The following MUC6 variants were observed in gnomAD, a reference collection of about 807,000 sequenced individuals.
MUC6 encodes the protein mucin 6, oligomeric mucus/gel-forming (gene/pseudogene), also known as mucin-6.
A neutral mutation model predicts 201.5 loss-of-function variants in MUC6; 188 were observed. That is an observed-to-expected ratio of 0.93 (90% CI 0.83 to 1.05). The LOEUF is 1.05. Among genes scored for constraint, MUC6 ranks in the 50% least tolerant of loss-of-function variants. The pLI is 0.00. For missense variants in MUC6, 2,706 were observed against 3,256.9 expected (o/e 0.83, Z 4.12); for synonymous variants, 1,228 against 1,389.4 (o/e 0.88, Z 2.58).
In MUC6 at chr11:1,016,383, T is replaced by C. The variant is rs1412583891; in HGVS notation, c.6418A>G (p.Thr2140Ala). Residue 2140 changes from threonine (T) to alanine (A), a missense_variant, in exon 31 of 33, where the codon ACT becomes GCT. Around this residue, in one of 10 missense-constraint regions of MUC6, gnomAD observed 586 missense variants for 488.0 expected, o/e 1.20. Coordinates refer to ENST00000421673, the MANE Select transcript of MUC6 (RefSeq NM_005961.3). The part of the protein sequence containing the change: ...SFSPSPSAPS[T>A]VSSYVPSSHS... ...GAGGAGGGCACATAAGAAGAAACAG[T>C]AGAGGGGGCAGAAGGACTGGGAGAA... The C allele has an allele frequency of 1.9e-6, 3 of 1,611,654 alleles. No individual in the cohort carries two copies. The East Asian group carries it at 6.7e-5, about 36-fold the overall frequency.
Position 1,036,711 on chromosome 11 carries a change from A to G in MUC6, c.-56T>C, listed in dbSNP as rs996036100. 1.2e-4 allele frequency: 188 copies of G among 1,524,910 alleles called. 1 individual carries two copies. In the East Asian group the frequency reaches 4.6e-3, roughly 37 times the overall value. 94.5% of individuals were successfully genotyped at this position (1,524,910 alleles called of 1,614,324 possible). A position where few individuals can be genotyped will look rare whatever the true frequency, so the allele number is the denominator to read the frequency against. ...CCCGGCAGGCCTGCTGCTGCCATCC[A>G]TGCGGCTCCAACGGCCGGTCCTGGG... On this transcript the variant is annotated 5_prime_UTR_variant, in exon 1 of 33. The change abolishes an upstream ATG in the 5' untranslated region. Transcript: ENST00000421673.
rs1856597778 is a variant in MUC6 at position 1,016,022 on chromosome 11, G to C, written c.6779C>G (p.Thr2260Ser). Reference protein sequence around the residue: ...STPRTTASTHTAPAFSSQSTT... With the variant: ...STPRTTASTHSAPAFSSQSTT... ...GGACTGAGAGGAGAAGGCAGGGGCG[G>C]TGTGGGTGCTGGCCGTGGTCCTGGG... The change falls in exon 31 of 33, where the codon ACC becomes AGC. Residue 2260 changes from threonine to serine, a missense_variant. Around this residue, in one of 10 missense-constraint regions of MUC6, gnomAD observed 586 missense variants for 488.0 expected, o/e 1.20. Transcript: ENST00000421673. 1.2e-6 allele frequency: 2 copies of C among 1,608,834 alleles called. No individual in the cohort carries two copies. The highest frequency in any genetic ancestry group is 2.2e-5 in the South Asian group (2 of 90,360).
Position 1,031,971 on chromosome 11 carries a change from C to G in MUC6, c.198G>C (p.Thr66=), listed in dbSNP as rs200612197. ...FDHHVYDFSG[T]CNYIFAATCK... is the part of the protein sequence containing the mutation. ...AGGTGGCCGCGAAGATGTAGTTGCA[C>G]GTCCCCGAGAAGTCGTACACGTGGT... The change falls in exon 3 of 33, where the codon ACG becomes ACC. Residue 66 remains threonine, a synonymous_variant. Coordinates refer to ENST00000421673, the MANE Select transcript of MUC6 (RefSeq NM_005961.3). The G allele has an allele frequency of 3.7e-6, 6 of 1,613,638 alleles. No homozygotes were observed. The Admixed American group carries it at 8.3e-5, about 22-fold the overall frequency.
chr11:1,026,972 G>A lies in MUC6; in HGVS notation c.2363C>T (p.Thr788Ile), dbSNP rs994414174. Residue 788 changes from threonine to isoleucine, a missense_variant, in exon 19 of 33, where the codon ACA (threonine) becomes ATA (isoleucine). This residue lies in a region of MUC6 where 1,850 missense variants were observed against 1,958.3 expected (regional missense o/e 0.94). Coordinates refer to ENST00000421673, the MANE Select transcript of MUC6 (RefSeq NM_005961.3). ...ENKFGAACAPTCQMLATGVAC... is the reference protein window; with the variant it reads ...ENKFGAACAPICQMLATGVAC... ...AACACCGGTGGCCAGCATCTGGCAT[G>A]TGGGGGCACAGGCTGCCCCAAACTT... 1.3e-6 allele frequency: 2 copies of A among 1,598,030 alleles called. No individual in the cohort carries two copies. The highest frequency in any genetic ancestry group is 1.3e-5 in the African/African-American group (1 of 74,600).
rs1857107487 is a variant in MUC6, at chr11:1,031,642, G to C, written c.448C>G (p.Leu150Val). Residue 150 changes from leucine to valine, a missense_variant, in exon 4 of 33, where the codon CTG becomes GTG. Leu to Val is a conservative substitution (Grantham distance 32). Coordinates refer to ENST00000421673, the MANE Select transcript of MUC6 (RefSeq NM_005961.3). ...CTGTCAGGACCCCACACGACTTCCA[G>C]CTCCAGCTCCAGCTGCTTGGCCACC... ...RLVAKQLELE[L>V]EVVWGPDSHL... 6.5e-7 allele frequency: 1 copy of C among 1,549,898 alleles called. No individual in the cohort carries two copies. Among genetic ancestry groups the C allele is most frequent in the African/African-American group, 1.4e-5 (1 of 72,998 alleles).
chr11:1,026,199 G>C, intron 20 of MUC6, 58 bp from the exon 21 acceptor site: 2 of 1,549,560 alleles, frequency 1.3e-6, no homozygotes, highest in African/African-American at 1.4e-5. Context: ...TACTGGGTGT[G>C]GTCCCTGGAG....
chr11:1,028,532 C>A, intron 13 of MUC6, 114 bp downstream of exon 13: 1 of 1,535,886 alleles, frequency 6.5e-7, no homozygotes. Context: ...CCCCTGGGGG[C>A]TCCCCGGACA....
At position 1,031,760 on chromosome 11, in the gene MUC6, G is replaced by A. The variant is rs1420047074; in HGVS notation, c.357-27C>T. On this transcript the variant is annotated intron_variant, in intron 3 of 32. Transcript: ENST00000421673. ...TGTGGGGCAAGGGAAGTCGGTGGTCGATCCTCAGTCCTCCGGCCCCCGAGC... is the reference window on the plus strand; with the variant it reads ...TGTGGGGCAAGGGAAGTCGGTGGTCAATCCTCAGTCCTCCGGCCCCCGAGC... 2.6e-6 allele frequency: 4 copies of A among 1,550,322 alleles called. No homozygotes were observed. In the East Asian group the frequency reaches 7.3e-5, roughly 28 times the overall value.
At chr11:1,036,486 C>T (rs1011749600) in intron 1 of MUC6, 118 bp downstream of exon 1, 131 of 1,172,216 alleles carry the variant, frequency 1.1e-4, no homozygotes, top group African/African-American at 1.1e-4. Context: ...TGGGGCCTCC[C>T]GTCCATCAGC....
intron 31 of MUC6, 51 bp downstream of exon 31, chr11:1,015,711 T>G (rs1856587159): frequency 8.8e-6 from 13 of 1,478,810 alleles, no homozygotes; most frequent in African/African-American, 2.9e-5. Flanking sequence ...TGCCTGGGAG[T>G]CATGAGCACA....
In MUC6 at chr11:1,032,020, G is replaced by GC. The variant is rs760313765; in HGVS notation, c.148dup (p.Ala50GlyfsTer108). The GC allele has an allele frequency of 1.9e-6, 3 of 1,613,432 alleles. No homozygotes were observed. Among genetic ancestry groups the GC allele is most frequent in the Non-Finnish European group, 1.7e-6 (2 of 1,179,878 alleles). The stretch of plus-strand genomic sequence containing the variant: ...GTGGTCGAAGGTGGAGAAGTGACCA[G>GC]CCCCCCACGTGGAGCACTGGCCTTT... On this transcript the variant is annotated frameshift_variant, in exon 3 of 33. Coordinates refer to ENST00000421673, the MANE Select transcript of MUC6 (RefSeq NM_005961.3). LOFTEE classifies it high-confidence loss of function.
rs779642474 is a variant in MUC6 at position 1,029,533 on chromosome 11, A to T, written c.1098T>A (p.Tyr366Ter). 6.2e-7 allele frequency: 1 copy of T among 1,612,532 alleles called. No homozygotes were observed. Among genetic ancestry groups the T allele is most frequent in the Non-Finnish European group, 8.5e-7 (1 of 1,179,728 alleles). Residue 366 changes from tyrosine to a stop codon, truncating the protein, a stop_gained, in exon 9 of 33, where the codon TAT (tyrosine) becomes TAA (stop). Coordinates refer to ENST00000421673, the MANE Select transcript of MUC6 (RefSeq NM_005961.3). LOFTEE classifies it high-confidence loss of function. ...QCPCVLHGAM[Y>*]APGEVTIAAC... ...CAGCTATTGTGACCTCCCCGGGGGCATACATGGCGCCGTGGAGCACACAGG... is the reference window on the plus strand; with the variant it reads ...CAGCTATTGTGACCTCCCCGGGGGCTTACATGGCGCCGTGGAGCACACAGG...
In MUC6 at chr11:1,027,514, A is replaced by T. The variant is rs780200734; in HGVS notation, c.1985T>A (p.Ile662Asn). 8.1e-6 allele frequency: 13 copies of T among 1,611,940 alleles called. 1 individual carries two copies. The highest frequency in any genetic ancestry group is 6.6e-5 in the South Asian group (6 of 91,034). The change falls in exon 17 of 33, where the codon ATC (isoleucine) becomes AAC (asparagine). Residue 662 changes from isoleucine to asparagine, a missense_variant. Ile to Asn is a moderately radical substitution (Grantham distance 149). Around this residue, in one of 10 missense-constraint regions of MUC6, gnomAD observed 1,850 missense variants for 1,958.3 expected, o/e 0.94. Transcript: ENST00000421673. ...GAAGGTGGTGTTACCCGTGCAGGGG[A>T]TGGCTGTGGGGGACCCGGGCATCAG... is the stretch of plus-strand genomic sequence containing the variant. ...GWRSSVDNCT[I>N]PCTGNTTFSY... is the part of the protein sequence containing the mutation.
In MUC6 at chr11:1,028,495, G is replaced by A. The variant is rs945436328; in HGVS notation, c.1592-108C>T. 4 of 1,534,980 alleles carry A rather than the reference G, an allele frequency of 2.6e-6. No individual in the cohort carries two copies. The African/African-American group carries it at 5.5e-5, about 21-fold the overall frequency. On this transcript the variant is annotated intron_variant, in intron 13 of 32. Transcript: ENST00000421673. ...TCCTCTAACAGCACCCTGGGTGAGA[G>A]GCTGCGTGGGCCACACGTGCCTGTT...
rs766722323 is a variant in MUC6, at chr11:1,018,491, G to C, written c.4310C>G (p.Ser1437Ter). 6.0e-5 allele frequency: 97 copies of C among 1,613,854 alleles called. No individual in the cohort carries two copies. Among genetic ancestry groups the C allele is most frequent in the Non-Finnish European group, 8.1e-5 (96 of 1,179,830 alleles). Residue 1437 changes from serine to a stop codon, truncating the protein, a stop_gained, in exon 31 of 33, where the codon TCA becomes TGA. Transcript: ENST00000421673. LOFTEE classifies it high-confidence loss of function. Reference sequence around the variant, plus strand: ...AGTGGGAAGTGTGGTCTCAGGGTGTGATGGGGTTGGATAGGTAGTGGTGGC... The same window carrying C: ...AGTGGGAAGTGTGGTCTCAGGGTGTCATGGGGTTGGATAGGTAGTGGTGGC... ...FHATTTYPTP[S>*]HPETTLPTHV...
Position 1,023,443 on chromosome 11 carries a change from T to TGAATGCGTGTGAATGAAG in MUC6, c.3526+65_3526+66insCTTCATTCACACGCATTC. 3 of 1,508,472 alleles carry TGAATGCGTGTGAATGAAG rather than the reference T, an allele frequency of 2.0e-6. No individual in the cohort carries two copies. In the South Asian group the frequency reaches 3.7e-5, roughly 19 times the overall value. 93.4% of individuals were successfully genotyped at this position (1,508,472 alleles called of 1,614,324 possible). A position where few individuals can be genotyped will look rare whatever the true frequency, so the allele number is the denominator to read the frequency against. ...GAATGAATGAATGCGTGTGAATGAATGAATGTGCATGAATGAGTGAATGGG... is the reference window on the plus strand; with the variant it reads ...GAATGAATGAATGCGTGTGAATGAATGAATGCGTGTGAATGAAGGAATGTGCATGAATGAGTGAATGGG... On this transcript the variant is annotated intron_variant, in intron 26 of 32. Coordinates refer to ENST00000421673, the MANE Select transcript of MUC6 (RefSeq NM_005961.3).
rs1031875915 is a variant in MUC6 at position 1,028,241 on chromosome 11, T to C, written c.1738A>G (p.Met580Val). Residue 580 changes from methionine to valine, a missense_variant, in exon 14 of 33, where the codon ATG becomes GTG. Around this residue, in one of 10 missense-constraint regions of MUC6, gnomAD observed 1,850 missense variants for 1,958.3 expected, o/e 0.94. Transcript: ENST00000421673. ...GGACACTCACTGTTGAGCTGGCTCA[T>C]GGAGCAGGGGTCAGTCTCACGCTCC... ...ALERETDPCSMSQLNKVCAET... is the reference protein window; with the variant it reads ...ALERETDPCSVSQLNKVCAET... 2.5e-6 allele frequency: 4 copies of C among 1,580,646 alleles called. No homozygotes were observed. Among genetic ancestry groups the C allele is most frequent in the Non-Finnish European group, 3.4e-6 (4 of 1,164,090 alleles).
chr11:1,013,242 C>A lies in MUC6; in HGVS notation c.*214G>T. 1.7e-6 allele frequency: 1 copy of A among 582,380 alleles called. No individual in the cohort carries two copies. Among genetic ancestry groups the A allele is most frequent in the Non-Finnish European group, 3.0e-6 (1 of 331,976 alleles). The allele number at this position is 582,380 out of a possible 1,614,324, so 36.1% of individuals were successfully genotyped here. On this transcript the variant is annotated 3_prime_UTR_variant, in exon 33 of 33. Coordinates refer to ENST00000421673, the MANE Select transcript of MUC6 (RefSeq NM_005961.3). ...CACTGTCCGCCTCAGTCCCTCTCTG[C>A]TGGCTCAGGGTCTGCAGGAGTGTGG...
In MUC6 at chr11:1,016,354, G is replaced by C; in HGVS notation, c.6447C>G (p.His2149Gln). 6.2e-7 allele frequency: 1 copy of C among 1,611,768 alleles called. No individual in the cohort carries two copies. Among genetic ancestry groups the C allele is most frequent in the Non-Finnish European group, 8.5e-7 (1 of 1,178,902 alleles). ...AAGGCGATGAAGTCTGGGGAGAGGAGTGGGAGGAGGGCACATAAGAAGAAA... is the reference window on the plus strand; with the variant it reads ...AAGGCGATGAAGTCTGGGGAGAGGACTGGGAGGAGGGCACATAAGAAGAAA... ...STVSSYVPSS[H>Q]SSPQTSSPSV... Residue 2149 changes from histidine (H) to glutamine (Q), a missense_variant, in exon 31 of 33, where the codon CAC (histidine) becomes CAG (glutamine). By Grantham distance (24) the His-to-Gln change is conservative (BLOSUM62 0). Around this residue, in one of 10 missense-constraint regions of MUC6, gnomAD observed 586 missense variants for 488.0 expected, o/e 1.20. Coordinates refer to ENST00000421673, the MANE Select transcript of MUC6 (RefSeq NM_005961.3).
Sources: allele counts gnomAD v4.1 joint callset, GRCh38; gene constraint gnomAD v4.1.1; regional missense constraint gnomAD v4.1.1; transcripts MANE v1.5; gene names NCBI Gene and HGNC (gene_info 2026-07-23, HGNC 2026-07-21).